Variants in PRKDC observed in about 807,000 individuals in gnomAD.
PRKDC encodes DNA-dependent protein kinase catalytic subunit.
Under a neutral mutation model 486.9 loss-of-function variants are expected in PRKDC, and 82 were observed. That is an observed-to-expected ratio of 0.17 (90% CI 0.14 to 0.20). The LOEUF is 0.20. PRKDC is among the 10% of genes least tolerant of loss of function. PRKDC has a pLI of 1.00. For missense variants in PRKDC, 4,504 were observed against 5,038.2 expected (o/e 0.89, Z 3.21); for synonymous variants, 1,895 against 1,837.0 (o/e 1.03, Z -0.81).
chr8:47,952,439 T>C (rs2090639992), intron 7 of PRKDC, among the ~76,000 whole-genome samples: 1 of 152,146 alleles, frequency 6.6e-6, no homozygotes, highest in Non-Finnish European at 1.5e-5. Context: ...AGATGAAGGG[T>C]TATCAGGTGG....
chr8:47,812,704 A>C (rs2087355435), intron 68 of PRKDC, among the ~76,000 whole-genome samples: 1 of 152,160 alleles, frequency 6.6e-6, no homozygotes, highest in Admixed American at 6.5e-5. Flanking sequence ...AGCAAATATA[A>C]GGTAAGAGGA....
intron 69 of PRKDC, among the ~76,000 whole-genome samples, chr8:47,806,240 G>T (rs1361527537): frequency 3.3e-5 from 5 of 152,120 alleles, no homozygotes; most frequent in African/African-American, 1.2e-4. Context: ...AGTAACAATG[G>T]CAGGGAACAT....
intron 36 of PRKDC, 89 bp from the exon 37 acceptor site, chr8:47,882,186 G>A (rs1441762703): frequency 7.3e-6 from 9 of 1,231,888 alleles, no homozygotes; most frequent in Admixed American, 4.5e-5. Flanking sequence ...AGCTATTCTT[G>A]GAAAATAAAT....
intron 73 of PRKDC, among the ~76,000 whole-genome samples, chr8:47,795,578 T>C (rs1405102026): frequency 1.3e-5 from 2 of 149,972 alleles, no homozygotes; most frequent in Non-Finnish European, 3.0e-5. Context: ...CTGCAACCTT[T>C]GCTTTCTGGG....
intron 21 of PRKDC, chr8:47,926,729 T>A (rs1329615586): frequency 6.6e-6 from 1 of 152,360 alleles, no homozygotes; most frequent in Non-Finnish European, 1.5e-5. Context: ...ACCTGTTTTT[T>A]CTATGATGAC....
chr8:47,784,547 T>C (rs2086759170), intron 77 of PRKDC, among the ~76,000 whole-genome samples: 1 of 152,234 alleles, frequency 6.6e-6, no homozygotes, highest in Non-Finnish European at 1.5e-5. Context: ...TTAAAACTTT[T>C]TTTCCTCTGG....
Position 47,836,404 on chromosome 8 carries a change from A to G in PRKDC, c.7885T>C (p.Trp2629Arg), listed in dbSNP as rs540048140. ...GCCCTTATCTGCCCTGCCACTGGCC[A>G]GCGAGCTGAGAGGGACCCTTCCTGG... The part of the protein sequence containing the change: ...RTQEGSLSAR[W>R]PVAGQIRATQ... Residue 2629 changes from tryptophan (W) to arginine (R), a missense_variant, in exon 58 of 86, where the codon TGG becomes CGG. Coordinates refer to ENST00000314191, the MANE Select transcript of PRKDC (RefSeq NM_006904.7). 6.2e-7 allele frequency: 1 copy of G among 1,612,006 alleles called. No homozygotes were observed. Among genetic ancestry groups the G allele is most frequent in the Admixed American group, 1.7e-5 (1 of 59,678 alleles).
chr8:47,778,914 C>A (rs1589689402), intron 81 of PRKDC, 90 bp downstream of exon 81: 1 of 1,439,946 alleles, frequency 6.9e-7, no homozygotes, highest in South Asian at 1.3e-5. Flanking sequence ...TTGATGATCT[C>A]TCTGAGGCAA....
Position 47,777,869 on chromosome 8 carries a change from C to A in PRKDC, c.11859G>T (p.Leu3953=). ...GHAFGSATQF[L]PVPELMPFRL... ...GAAAAGGCATCAACTCAGGGACTGG[C>A]AGAAACTAAACAAGAAAAAAGGCAA... Residue 3953 remains leucine (L), a synonymous_variant, in exon 84 of 86, where the codon CTG becomes CTT. Transcript: ENST00000314191. 2.5e-6 allele frequency: 4 copies of A among 1,613,616 alleles called. No individual in the cohort carries two copies. Among genetic ancestry groups the A allele is most frequent in the Non-Finnish European group, 3.4e-6 (4 of 1,179,682 alleles).
intron 22 of PRKDC, among the ~76,000 whole-genome samples, 187 bp from the exon 23 acceptor site, chr8:47,915,605 G>A (rs180681440): frequency 1.7e-4 from 26 of 152,288 alleles, no homozygotes; most frequent in Admixed American, 8.5e-4. Context: ...GTTTTATGTA[G>A]GTCCTGTTTA....
chr8:47,852,284 A>G (rs2088426121), intron 52 of PRKDC, among the ~76,000 whole-genome samples: 1 of 152,176 alleles, frequency 6.6e-6, no homozygotes. Context: ...CCTGTTCAAC[A>G]GCTACACCAA....
intron 40 of PRKDC, among the ~76,000 whole-genome samples, chr8:47,867,442 C>T (rs2154500891): frequency 6.6e-6 from 1 of 152,302 alleles, no homozygotes; most frequent in East Asian, 1.9e-4. Context: ...GAAAAAACTA[C>T]ATCAAATGAT....
chr8:47,934,076 T>C lies in PRKDC; in HGVS notation c.1512A>G (p.Glu504=), dbSNP rs768499170. The C allele has an allele frequency of 6.2e-7, 1 of 1,613,534 alleles. No individual in the cohort carries two copies. The highest frequency in any genetic ancestry group is 1.7e-5 in the Admixed American group (1 of 59,960). Residue 504 remains glutamate, a synonymous_variant, in exon 15 of 86, where the codon GAA becomes GAG. Transcript: ENST00000314191. ...PVVLPKGPES[E]SEDHRASGEV... ...CCCCTGAAGCACGGTGGTCTTCAGA[T>C]TCAGACTCAGGGCCCTGGCCAGAAA... is the stretch of plus-strand genomic sequence containing the variant.
chr8:47,888,711 C>A, intron 33 of PRKDC, 61 bp from the exon 34 acceptor site: 2 of 1,478,936 alleles, frequency 1.4e-6, no homozygotes, highest in African/African-American at 1.4e-5. Context: ...TATCAAGATA[C>A]ACTGAAAAAA....
intron 26 of PRKDC, among the ~76,000 whole-genome samples, chr8:47,903,265 AAG>A (rs2089719429): frequency 6.6e-6 from 1 of 152,258 alleles, no homozygotes; most frequent in Non-Finnish European, 1.5e-5. Context: ...TGGAGGCATG[AAG>A]AGCAGACCCC....
chr8:47,854,021 C>T, intron 51 of PRKDC, 62 bp downstream of exon 51: 2 of 1,586,778 alleles, frequency 1.3e-6, no homozygotes, highest in East Asian at 2.3e-5. Flanking sequence ...CTGCACCATA[C>T]TGAAGTCTGT....
At chr8:47,915,619 G>C (rs1029851649) in intron 22 of PRKDC, among the ~76,000 whole-genome samples, 1 of 152,174 alleles carries the variant, frequency 6.6e-6, no homozygotes, top group African/African-American at 2.4e-5. Flanking sequence ...CTGTTTATCA[G>C]TATTAATGAC....
rs886401808 is a variant in PRKDC at position 47,773,380 on chromosome 8, T to C, written c.*793A>G. On this transcript the variant is annotated 3_prime_UTR_variant, in exon 86 of 86. Coordinates refer to ENST00000314191, the MANE Select transcript of PRKDC (RefSeq NM_006904.7). ...ATTCATTTCAAATAGGAATTTCTTTTATTCTCCTGGAACTGAAATGCTTAG... is the reference window on the plus strand; with the variant it reads ...ATTCATTTCAAATAGGAATTTCTTTCATTCTCCTGGAACTGAAATGCTTAG... The C allele has an allele frequency of 5.1e-5, 11 of 216,238 alleles. No individual in the cohort carries two copies. The East Asian group carries it at 5.5e-4, about 11-fold the overall frequency. 13.4% of individuals were successfully genotyped at this position (216,238 alleles called of 1,614,324 possible).
At position 47,845,083 on chromosome 8, in the gene PRKDC, G is replaced by A. The variant is rs556497521; in HGVS notation, c.7280+4071C>T. ...TACAAAAAAATTAGCCAGGCGTGGTGGTGTGCACCTCTAGTCCCAGCTACT... is the reference window on the plus strand; with the variant it reads ...TACAAAAAAATTAGCCAGGCGTGGTAGTGTGCACCTCTAGTCCCAGCTACT... On this transcript the variant is annotated intron_variant, in intron 54 of 85. Coordinates refer to ENST00000314191, the MANE Select transcript of PRKDC (RefSeq NM_006904.7). Among the ~76,000 whole-genome samples the A allele has an allele frequency of 9.9e-5, 15 of 152,166 alleles. No homozygotes were observed. In the South Asian group the frequency reaches 3.1e-3, roughly 32 times the overall value.
Sources: gnomAD v4.1 joint callset for allele counts (sites outside exome capture counted in the v4.1 genomes callset) on GRCh38, gnomAD v4.1.1 for gene constraint, MANE v1.5 for transcripts, NCBI Gene and HGNC (gene_info 2026-07-23, HGNC 2026-07-21) for gene names.